The following NEBL variants were observed in gnomAD, a reference collection of about 807,000 sequenced individuals.
NEBL encodes the protein nebulette, also known as LIM and SH3 protein 2.
NEBL carries 122 observed loss-of-function variants against 140.2 expected under a neutral mutation model. The observed-to-expected ratio is 0.87, with a 90% confidence interval of 0.75 to 1.01. The LOEUF (loss-of-function observed/expected upper bound fraction) is 1.01. NEBL is among the 50% of genes least tolerant of loss of function. The pLI, the probability that NEBL is intolerant of heterozygous loss-of-function variation, is 0.00. For missense variants in NEBL, 1,365 were observed against 1,231.3 expected, an observed-to-expected ratio of 1.11 and a Z score of -1.62; for synonymous variants, 436 against 398.9, an observed-to-expected ratio of 1.09 and a Z score of -1.11.
intron 14 of NEBL, 56 bp downstream of exon 14, chr10:20,835,457 G>A (rs985129263): frequency 9.4e-6 from 12 of 1,281,660 alleles, no homozygotes; most frequent in South Asian, 4.7e-5. Flanking sequence ...TTGCTAATAC[G>A]ATTTGTTAGG....
intron 7 of NEBL, among the ~76,000 whole-genome samples, chr10:20,864,994 A>G (rs1450228295): frequency 6.6e-6 from 1 of 152,232 alleles, no homozygotes; most frequent in Non-Finnish European, 1.5e-5. Flanking sequence ...CAGTTGCTAA[A>G]TAATTTGAGA....
chr10:20,880,821 G>A lies in NEBL; in HGVS notation c.453C>T (p.Ala151=), dbSNP rs1300600664. ...HMKEPPEVKH[A]MEVNKHQSNI... ...TACTCTGGTGTTTATTGACCTCCATGGCATGTTTAACCTCAGGGGGCTCCT... is the reference window on the plus strand; with the variant it reads ...TACTCTGGTGTTTATTGACCTCCATAGCATGTTTAACCTCAGGGGGCTCCT... Residue 151 remains alanine, a synonymous_variant, in exon 5 of 28, where the codon GCC becomes GCT. Transcript: ENST00000377122. 6.2e-6 allele frequency: 10 copies of A among 1,613,544 alleles called. 1 individual carries two copies. In the South Asian group the frequency reaches 1.1e-4, roughly 18 times the overall value.
intron 2 of NEBL, among the ~76,000 whole-genome samples, chr10:21,104,083 T>C (rs529714349): frequency 6.6e-6 from 1 of 152,360 alleles, no homozygotes; most frequent in East Asian, 1.9e-4. Context: ...TAACTTGGTG[T>C]CTTTGTGGAA....
intron 4 of NEBL, among the ~76,000 whole-genome samples, chr10:20,909,211 C>T (rs954750133): frequency 6.6e-6 from 1 of 151,782 alleles, no homozygotes; most frequent in East Asian, 1.9e-4. Context: ...TGACAGTCAC[C>T]CTGTTGCTAT....
intron 7 of NEBL, 53 bp from the exon 8 acceptor site, chr10:20,859,879 A>G: frequency 1.2e-6 from 1 of 865,120 alleles, no homozygotes; most frequent in Admixed American, 2.2e-5. Flanking sequence ...AGTAACACAT[A>G]TGATTTTCAC....
At chr10:21,231,152 G>C (rs1842244102) in intron 3 of NEBL, among the ~76,000 whole-genome samples, 1 of 152,184 alleles carries the variant, frequency 6.6e-6, no homozygotes, top group Admixed American at 6.5e-5. Context: ...GCACTTCTTG[G>C]CTTGGTGGAT....
At chr10:21,096,463 C>T (rs946086718) in intron 2 of NEBL, among the ~76,000 whole-genome samples, 3 of 151,260 alleles carry the variant, frequency 2.0e-5, no homozygotes, top group Admixed American at 6.6e-5. Flanking sequence ...AATGTTTACA[C>T]GGGCTTTAGA....
chr10:20,841,879 A>G (rs1360963125), intron 12 of NEBL, among the ~76,000 whole-genome samples: 1 of 152,078 alleles, frequency 6.6e-6, no homozygotes, highest in African/African-American at 2.4e-5. Context: ...TTTTCTACAC[A>G]TTAATAATAG....
chr10:21,230,843 G>A (rs911041312), intron 3 of NEBL, among the ~76,000 whole-genome samples: 5 of 152,060 alleles, frequency 3.3e-5, no homozygotes, highest in African/African-American at 9.7e-5. Flanking sequence ...GGGATCAAGT[G>A]ATCCACTGTC....
At chr10:21,183,279 A>G (rs533044493) in intron 3 of NEBL, among the ~76,000 whole-genome samples, 1 of 152,238 alleles carries the variant, frequency 6.6e-6, no homozygotes, top group East Asian at 1.9e-4. Context: ...GAGAGGGAGG[A>G]AGATGGGGAA....
intron 3 of NEBL, among the ~76,000 whole-genome samples, chr10:20,966,947 G>C (rs1836341138): frequency 6.6e-6 from 1 of 152,138 alleles, no homozygotes; most frequent in Admixed American, 6.5e-5. Flanking sequence ...AACACTAATT[G>C]GAGATTATGT....
intron 3 of NEBL, among the ~76,000 whole-genome samples, chr10:21,245,286 A>C (rs1374595458): frequency 2.0e-5 from 3 of 152,240 alleles, no homozygotes; most frequent in African/African-American, 4.8e-5. Flanking sequence ...AGAAACAGTG[A>C]GTTTGACCAA....
At chr10:21,246,234 T>G (rs982476605) in intron 3 of NEBL, among the ~76,000 whole-genome samples, 1 of 152,192 alleles carries the variant, frequency 6.6e-6, no homozygotes, top group African/African-American at 2.4e-5. Flanking sequence ...TTCTACCAAG[T>G]GATGGTGAGA....
chr10:21,093,976 T>C lies in NEBL; in HGVS notation c.165-73775A>G, dbSNP rs116367088. Among the ~76,000 whole-genome samples, 1,318 of 152,326 alleles carry C rather than the reference T, an allele frequency of 8.7e-3. 12 individuals carry two copies. Among genetic ancestry groups the C allele is most frequent in the African/African-American group, 0.03 (1,257 of 41,570 alleles). ...TGAAAGACTATTTTCCATTCTAAGCTTTCCATAGAAAACTATATTTATCTG... is the reference window on the plus strand; with the variant it reads ...TGAAAGACTATTTTCCATTCTAAGCCTTCCATAGAAAACTATATTTATCTG... On this transcript the variant is annotated intron_variant, in intron 2 of 6. Transcript: ENST00000417816.
chr10:21,171,395 A>G (rs1431551332), intron 2 of NEBL, among the ~76,000 whole-genome samples: 1 of 151,958 alleles, frequency 6.6e-6, no homozygotes, highest in African/African-American at 2.4e-5. Context: ...AAACTTAACC[A>G]TCAGGGCCAA....
At chr10:20,969,028 C>G (rs1448132561) in intron 3 of NEBL, among the ~76,000 whole-genome samples, 1 of 152,114 alleles carries the variant, frequency 6.6e-6, no homozygotes, top group Admixed American at 6.5e-5. Flanking sequence ...AGGTGCTAAG[C>G]ATAGATTAAA....
chr10:20,941,688 T>C (rs1358086344), intron 4 of NEBL, among the ~76,000 whole-genome samples: 6 of 151,654 alleles, frequency 4.0e-5, no homozygotes, highest in Non-Finnish European at 5.9e-5. Flanking sequence ...GAAAACCCCA[T>C]CGTCTCAGCC....
At chr10:20,893,196 C>T (rs1847173501) in intron 2 of NEBL, among the ~76,000 whole-genome samples, 1 of 152,082 alleles carries the variant, frequency 6.6e-6, no homozygotes, top group African/African-American at 2.4e-5. Context: ...AAAAGATTCC[C>T]TTTTGCCCAA....
At chr10:21,253,650 TCTC>T (rs1842617765) in intron 1 of NEBL, among the ~76,000 whole-genome samples, 1 of 151,530 alleles carries the variant, frequency 6.6e-6, no homozygotes, top group South Asian at 2.1e-4. Context: ...TTCAAGCGCT[TCTC>T]CTGCCTCAGC....
Sources: gnomAD v4.1 joint callset for allele counts (sites outside exome capture counted in the v4.1 genomes callset) on GRCh38, gnomAD v4.1.1 for gene constraint, MANE v1.5 for transcripts, NCBI Gene and HGNC (gene_info 2026-07-23, HGNC 2026-07-21) for gene names.